Variants in ERAP1 observed in about 807,000 individuals in gnomAD.
The protein encoded by ERAP1 is adipocyte-derived leucine aminopeptidase.
Under a neutral mutation model 103.7 loss-of-function variants are expected in ERAP1, and 86 were observed. That is an observed-to-expected ratio of 0.83 (90% CI 0.70 to 0.99). The LOEUF (loss-of-function observed/expected upper bound fraction) is 0.99, where lower values mean the gene tolerates loss of function less well. ERAP1 is among the 50% of genes least tolerant of loss of function. The pLI, the probability that ERAP1 is intolerant of heterozygous loss-of-function variation, is 0.00. For missense variants in ERAP1, 1,009 were observed against 1,128.4 expected, an observed-to-expected ratio of 0.89 and a Z score of 1.52; for synonymous variants, 398 against 402.4, an observed-to-expected ratio of 0.99 and a Z score of 0.13.
At chr5:96,809,935 C>T (rs1171214398), upstream of ERAP1, among the ~76,000 whole-genome samples, 1 of 151,844 alleles carries the variant, frequency 6.6e-6, no homozygotes, top group East Asian at 1.9e-4. Context: ...ATTGAAAGTC[C>T]AGCTGGCAGA....
the ERAP1 span, chr5:96,880,115 G>T: frequency 1.2e-6 from 2 of 1,614,020 alleles, no homozygotes; most frequent in Non-Finnish European, 1.7e-6. Flanking sequence ...GAGTTACCCT[G>T]CTCATGAACA....
chr5:96,836,181 T>G, the ERAP1 span, among the ~76,000 whole-genome samples: 1 of 149,998 alleles, frequency 6.7e-6, no homozygotes, highest in Non-Finnish European at 1.5e-5. Flanking sequence ...CTTTGGTTTT[T>G]TTTTTTTTTT....
the ERAP1 span, among the ~76,000 whole-genome samples, chr5:96,827,872 G>A: frequency 6.6e-6 from 1 of 152,146 alleles, no homozygotes; most frequent in Admixed American, 6.5e-5. Context: ...GAAACCCTGT[G>A]AGGATAATAG....
Position 96,784,221 on chromosome 5 carries a change from G to A in ERAP1, c.1944-141C>T, listed in dbSNP as rs561828392. On this transcript the variant is annotated intron_variant, in intron 13 of 18. Coordinates refer to ENST00000443439, the MANE Select transcript of ERAP1 (RefSeq NM_001040458.3). Reference sequence around the variant, plus strand: ...TATAAATAGATAACTACGGCCGGGCGCGGTGGCTCATGCCTGTAATCCCAG... The same window carrying A: ...TATAAATAGATAACTACGGCCGGGCACGGTGGCTCATGCCTGTAATCCCAG... The A allele has an allele frequency of 1.3e-4, 112 of 885,600 alleles. 1 individual carries two copies. The highest frequency in any genetic ancestry group is 4.8e-4 in the Middle Eastern group (2 of 4,208). The allele number at this position is 885,600 out of a possible 1,614,324, so 54.9% of individuals were successfully genotyped here.
At chr5:96,912,114 C>T in the ERAP1 span, among the ~76,000 whole-genome samples, 1 of 148,866 alleles carries the variant, frequency 6.7e-6, no homozygotes, top group Non-Finnish European at 1.5e-5. Flanking sequence ...GGTGTGAACC[C>T]CGGGGGGCGG....
At chr5:96,902,071 G>A in the ERAP1 span, among the ~76,000 whole-genome samples, 1 of 152,332 alleles carries the variant, frequency 6.6e-6, no homozygotes, top group East Asian at 1.9e-4. Flanking sequence ...AGATATGGCT[G>A]CTCCTTTATA....
chr5:96,785,910 A>G lies in ERAP1; in HGVS notation c.1821T>C (p.Tyr607=). ...CATCATCCTCGTAATGCACAATGTA[A>G]TAGCCATTCATGCCCACATTAAATT... The part of the protein sequence containing the change: ...WIKFNVGMNG[Y]YIVHYEDDGW... Residue 607 remains tyrosine (Y), a synonymous_variant, in exon 13 of 19, where the codon TAT becomes TAC. Transcript: ENST00000443439. 1 of 1,614,186 alleles carries G rather than the reference A, an allele frequency of 6.2e-7. No individual in the cohort carries two copies. The highest frequency in any genetic ancestry group is 8.5e-7 in the Non-Finnish European group (1 of 1,180,036).
the ERAP1 span, among the ~76,000 whole-genome samples, chr5:96,848,232 G>GT: frequency 6.6e-6 from 1 of 152,056 alleles, no homozygotes; most frequent in Non-Finnish European, 1.5e-5. Context: ...TTTATTTTTA[G>GT]TAGAGATGGG....
chr5:96,910,629 T>C, the ERAP1 span, among the ~76,000 whole-genome samples: 1 of 152,336 alleles, frequency 6.6e-6, no homozygotes, highest in Admixed American at 6.5e-5. Flanking sequence ...TAACCTGCAG[T>C]AACCTACCTA....
intron 2 of ERAP1, among the ~76,000 whole-genome samples, chr5:96,802,597 TCTC>T (rs1778127844): frequency 6.6e-6 from 1 of 152,018 alleles, no homozygotes; most frequent in Non-Finnish European, 1.5e-5. Flanking sequence ...CCCAAATAAG[TCTC>T]CTCCTTAAAA....
At chr5:96,797,081 C>A (rs146431927) in intron 4 of ERAP1, 94 bp downstream of exon 4, 1 of 1,473,212 alleles carries the variant, frequency 6.8e-7, no homozygotes, top group African/African-American at 1.4e-5. Flanking sequence ...TTTACACGCA[C>A]GACCCACTGC....
At chr5:96,766,699 C>T (rs1005149398) in intron 19 of ERAP1, among the ~76,000 whole-genome samples, 4 of 152,186 alleles carry the variant, frequency 2.6e-5, no homozygotes, top group Non-Finnish European at 4.4e-5. Context: ...GCCAGTCTTT[C>T]GTAGGTCAAC....
intron 13 of ERAP1, among the ~76,000 whole-genome samples, chr5:96,784,616 A>T (rs561489297): frequency 6.6e-6 from 1 of 152,190 alleles, no homozygotes; most frequent in East Asian, 1.9e-4. Flanking sequence ...AACGTGGATA[A>T]GCCGGAAAGG....
At position 96,792,127 on chromosome 5, in the gene ERAP1, A is replaced by C; in HGVS notation, c.1254T>G (p.Pro418=). ...MEVDALNSSH[P]VSTPVENPAQ... Reference sequence around the variant, plus strand: ...CAGGATTTTCCACAGGTGTAGACACAGGGTGTGAGGAATTTAAAGCATCTA... The same window carrying C: ...CAGGATTTTCCACAGGTGTAGACACCGGGTGTGAGGAATTTAAAGCATCTA... Residue 418 remains proline (P), a synonymous_variant, in exon 8 of 19, where the codon CCT becomes CCG. Transcript: ENST00000443439. The C allele has an allele frequency of 6.2e-7, 1 of 1,613,944 alleles. No individual in the cohort carries two copies.
At chr5:96,892,408 T>G in the ERAP1 span, 4 of 1,614,050 alleles carry the variant, frequency 2.5e-6, no homozygotes, top group South Asian at 1.1e-5. Flanking sequence ...CTGCTTCCGA[T>G]AAACTGTGGG....
chr5:96,801,119 T>A, intron 2 of ERAP1, 119 bp from the exon 3 acceptor site: 1 of 1,141,546 alleles, frequency 8.8e-7, no homozygotes, highest in Non-Finnish European at 1.3e-6. Flanking sequence ...TACTAAAAAA[T>A]ATTTCATCTG....
chr5:96,801,048 A>C (rs1312788013), intron 2 of ERAP1, 48 bp from the exon 3 acceptor site: 2 of 1,603,450 alleles, frequency 1.2e-6, no homozygotes, highest in African/African-American at 2.7e-5. Context: ...AGCACCAGGA[A>C]CTCTAAAACA....
chr5:96,901,384 C>A, the ERAP1 span: 38 of 1,065,210 alleles, frequency 3.6e-5, no homozygotes, highest in East Asian at 6.0e-4. Flanking sequence ...CCCTGAGATA[C>A]CAGTCCGAGT....
At chr5:96,798,324 C>CA (rs3076633) in intron 3 of ERAP1, among the ~76,000 whole-genome samples, 9,444 of 76,140 alleles carry the variant, frequency 0.12, 800 homozygotes, top group South Asian at 0.2. Flanking sequence ...GACTCCATCT[C>CA]AAAAAAAAAA....
Sources: allele counts gnomAD v4.1 joint callset (sites outside exome capture counted in the v4.1 genomes callset), GRCh38; gene constraint gnomAD v4.1.1; transcripts MANE v1.5; gene names NCBI Gene and HGNC (gene_info 2026-07-23, HGNC 2026-07-21).